CDK6: variants seen among roughly 807,000 people sequenced by gnomAD.
CDK6 encodes the protein cyclin dependent kinase 6.
Under a neutral mutation model 37.1 loss-of-function variants are expected in CDK6, and 6 were observed. The ratio of observed to expected loss-of-function variants is 0.16; its 90% CI spans 0.09 to 0.32. The LOEUF is 0.32. Ranked by LOEUF, CDK6 falls within the 10% of genes least tolerant of loss-of-function variation. The pLI is 1.00. For missense variants in CDK6, 224 were observed against 418.9 expected (o/e 0.53, Z 4.06); for synonymous variants, 160 against 161.3 (o/e 0.99, Z 0.06).
intron 4 of CDK6, among the ~76,000 whole-genome samples, chr7:92,708,718 G>C (rs2116675907): frequency 6.6e-6 from 1 of 152,266 alleles, no homozygotes; most frequent in South Asian, 2.1e-4. Flanking sequence ...AATTACAATT[G>C]GGATAAACAT....
At position 92,833,366 on chromosome 7, in the gene CDK6, G is replaced by T; in HGVS notation, c.-43C>A. The T allele has an allele frequency of 7.0e-7, 1 of 1,436,696 alleles. No individual in the cohort carries two copies. The highest frequency in any genetic ancestry group is 9.4e-7 in the Non-Finnish European group (1 of 1,065,356). 89.0% of individuals were successfully genotyped at this position (1,436,696 alleles called of 1,614,324 possible). ...CGCCGCGGCGCCGCTGGGGCGGGCG[G>T]GGGGTGCGCTCAACTAGCTGGCGGC... On this transcript the variant is annotated 5_prime_UTR_variant, in exon 2 of 8. Coordinates refer to ENST00000424848, the MANE Select transcript of CDK6 (RefSeq NM_001145306.2). The surrounding 1 kb of genome is among the most constrained non-coding windows in gnomAD (Gnocchi z 6.1).
At chr7:92,727,201 A>T (rs1798533498) in intron 3 of CDK6, among the ~76,000 whole-genome samples, 1 of 152,150 alleles carries the variant, frequency 6.6e-6, no homozygotes, top group Non-Finnish European at 1.5e-5. Flanking sequence ...TATACAAGGG[A>T]GGATGGAGCT....
At chr7:92,690,955 T>C (rs530821734) in intron 4 of CDK6, among the ~76,000 whole-genome samples, 56 of 152,210 alleles carry the variant, frequency 3.7e-4, no homozygotes, top group Non-Finnish European at 6.2e-4. Flanking sequence ...CTGTATTAAC[T>C]ATACTATTTT....
intron 3 of CDK6, among the ~76,000 whole-genome samples, chr7:92,742,742 T>TATACAC (rs138716303): frequency 6.6e-6 from 1 of 150,464 alleles, no homozygotes; most frequent in Non-Finnish European, 1.5e-5. Context: ...CATATATATA[T>TATACAC]ACACACACAC....
chr7:92,833,473 G>A lies in CDK6; in HGVS notation c.-150C>T. ...GCCGGCTCAGGCGCTCGGGCGCTGG[G>A]GCTTTCGCCGCTGCAGAAGCTGGAT... On this transcript the variant is annotated 5_prime_UTR_variant, in exon 2 of 8. Transcript: ENST00000424848. This position sits in a 1 kb window ranked among gnomAD's most constrained non-coding sequence, Gnocchi z 6.1. 1.7e-6 allele frequency: 1 copy of A among 590,510 alleles called. No homozygotes were observed. The highest frequency in any genetic ancestry group is 2.9e-6 in the Non-Finnish European group (1 of 345,992). 36.6% of individuals were successfully genotyped at this position (590,510 alleles called of 1,614,324 possible).
In CDK6 at chr7:92,801,186, C is replaced by T. The variant is rs541316755; in HGVS notation, c.234-26355G>A. Among the ~76,000 whole-genome samples the T allele has an allele frequency of 2.0e-5, 3 of 151,908 alleles. No individual in the cohort carries two copies. The East Asian group carries it at 5.8e-4, about 29-fold the overall frequency. On this transcript the variant is annotated intron_variant, in intron 2 of 7. Coordinates refer to ENST00000424848, the MANE Select transcript of CDK6 (RefSeq NM_001145306.2). ...AAATAGATAAAAATTTCAAAATTAG[C>T]TAATAACGACACTTTTGAATCAATT...
chr7:92,729,619 T>C (rs1798595249), intron 3 of CDK6, among the ~76,000 whole-genome samples: 1 of 152,310 alleles, frequency 6.6e-6, no homozygotes, highest in African/African-American at 2.4e-5. Context: ...ATCCTTGAAG[T>C]CTTGTAATTG....
At chr7:92,658,715 AG>A (rs1314387059) in intron 5 of CDK6, among the ~76,000 whole-genome samples, 2 of 152,184 alleles carry the variant, frequency 1.3e-5, no homozygotes, top group African/African-American at 4.8e-5. Flanking sequence ...TATTAACATT[AG>A]GTGTTTTTAC....
intron 4 of CDK6, among the ~76,000 whole-genome samples, chr7:92,724,688 G>T (rs1206097342): frequency 2.6e-5 from 4 of 152,068 alleles, no homozygotes; most frequent in Admixed American, 2.6e-4. Context: ...TCCCTGATGT[G>T]AGAACCACTT....
At chr7:92,615,521 G>A (rs1197730375) in intron 7 of CDK6, among the ~76,000 whole-genome samples, 2 of 152,114 alleles carry the variant, frequency 1.3e-5, no homozygotes, top group Non-Finnish European at 2.9e-5. Flanking sequence ...TCCTGCCCAG[G>A]ATTTCTCACT....
chr7:92,822,821 G>GTT (rs1801206450), intron 2 of CDK6, among the ~76,000 whole-genome samples: 1 of 152,010 alleles, frequency 6.6e-6, no homozygotes, highest in Non-Finnish European at 1.5e-5. Flanking sequence ...TGGTTTGAGG[G>GTT]TTTTCTAAAT....
rs1479181745 is a variant in CDK6, at chr7:92,778,946, T to TATAAAA, written c.234-4116_234-4115insTTTTAT. Among the ~76,000 whole-genome samples, 291 of 134,952 alleles carry TATAAAA rather than the reference T, an allele frequency of 2.2e-3. 12 individuals carry two copies. Among genetic ancestry groups the TATAAAA allele is most frequent in the African/African-American group, 8.4e-3 (281 of 33,530 alleles). The allele number at this position is 134,952 out of a possible 152,430, so 88.5% of individuals were successfully genotyped here. A position where few individuals can be genotyped will look rare whatever the true frequency, so the allele number is the denominator to read the frequency against. On this transcript the variant is annotated intron_variant, in intron 2 of 7. Coordinates refer to ENST00000424848, the MANE Select transcript of CDK6 (RefSeq NM_001145306.2). ...TATCATATATATATATATATATATA[T>TATAAAA]AAGATATTATAGTAATTTCCAAAAG...
At chr7:92,765,105 G>A (rs1342489727) in intron 3 of CDK6, among the ~76,000 whole-genome samples, 1 of 152,112 alleles carries the variant, frequency 6.6e-6, no homozygotes, top group African/African-American at 2.4e-5. Flanking sequence ...GAATGGGGAA[G>A]ACAGCATACA....
At chr7:92,777,372 G>A (rs113281034) in intron 2 of CDK6, among the ~76,000 whole-genome samples, 4 of 152,176 alleles carry the variant, frequency 2.6e-5, no homozygotes, top group African/African-American at 4.8e-5. Context: ...CTCCCAACCC[G>A]AGTGGCTGGG....
chr7:92,710,972 G>T, intron 4 of CDK6: 2 of 400,894 alleles, frequency 5.0e-6, no homozygotes, highest in Non-Finnish European at 6.8e-6. Flanking sequence ...ATGGCCAGAG[G>T]CACTCAGGAG....
In CDK6 at chr7:92,835,774, C is replaced by T. The variant is rs1221837154; in HGVS notation, c.-368+704G>A. Among the ~76,000 whole-genome samples the T allele has an allele frequency of 6.6e-6, 1 of 152,222 alleles. No individual in the cohort carries two copies. The highest frequency in any genetic ancestry group is 1.5e-5 in the Non-Finnish European group (1 of 68,026). ...ACACGCAGATGCGCCCATATGCACA[C>T]GGACGGGCGCGCTGCGGGGACCAGG... On this transcript the variant is annotated intron_variant, in intron 1 of 7. Transcript: ENST00000424848. This position sits in a 1 kb window ranked among gnomAD's most constrained non-coding sequence, Gnocchi z 4.2.
intron 4 of CDK6, among the ~76,000 whole-genome samples, chr7:92,691,751 T>C (rs1797604280): frequency 1.3e-5 from 2 of 152,204 alleles, no homozygotes; most frequent in South Asian, 2.1e-4. Flanking sequence ...CTGAAGTATA[T>C]ATGGAGAAAT....
In CDK6 at chr7:92,614,143, G is replaced by C. The variant is rs972781201; in HGVS notation, c.*997C>G. 1 of 233,064 alleles carries C rather than the reference G, an allele frequency of 4.3e-6. No homozygotes were observed. The highest frequency in any genetic ancestry group is 8.5e-6 in the Non-Finnish European group (1 of 117,982). 14.4% of individuals were successfully genotyped at this position (233,064 alleles called of 1,614,324 possible). A position where few individuals can be genotyped will look rare whatever the true frequency, so the allele number is the denominator to read the frequency against. ...AGAACTACTCTCCAAACCAAAACAGGAAAGAGTTTCTGACAAATTCCTAAA... is the reference window on the plus strand; with the variant it reads ...AGAACTACTCTCCAAACCAAAACAGCAAAGAGTTTCTGACAAATTCCTAAA... On this transcript the variant is annotated 3_prime_UTR_variant, in exon 8 of 8. Coordinates refer to ENST00000424848, the MANE Select transcript of CDK6 (RefSeq NM_001145306.2).
At chr7:92,649,282 G>T (rs1458764477) in intron 5 of CDK6, among the ~76,000 whole-genome samples, 1 of 152,118 alleles carries the variant, frequency 6.6e-6, no homozygotes, top group Non-Finnish European at 1.5e-5. Flanking sequence ...TTTGTCAATT[G>T]TTAAAAAATG....
Sources: allele counts gnomAD v4.1 joint callset (sites outside exome capture counted in the v4.1 genomes callset), GRCh38; gene constraint gnomAD v4.1.1; non-coding constraint Gnocchi (gnomAD v3.1); transcripts MANE v1.5; gene names NCBI Gene and HGNC (gene_info 2026-07-23, HGNC 2026-07-21).